The following PLPPR1 variants were observed in gnomAD, a reference collection of about 807,000 sequenced individuals.
The protein encoded by PLPPR1 is phospholipid phosphatase related 1, also known as phospholipid phosphatase-related protein type 1.
PLPPR1 carries 10 observed loss-of-function variants against 33.1 expected under a neutral mutation model. The ratio of observed to expected loss-of-function variants is 0.30; its 90% CI spans 0.19 to 0.51. The LOEUF (loss-of-function observed/expected upper bound fraction) is 0.51, where lower values mean the gene tolerates loss of function less well. Ranked by LOEUF, PLPPR1 falls within the 20% of genes least tolerant of loss-of-function variation. The pLI is 0.97. For missense variants in PLPPR1, 304 were observed against 408.1 expected (o/e 0.74, Z 2.20); for synonymous variants, 151 against 151.0 (o/e 1.00, Z 0.00).
In PLPPR1 at chr9:101,185,459, T is replaced by C. The variant is rs747826350; in HGVS notation, c.-36T>C. 9 of 1,396,930 alleles carry C rather than the reference T, an allele frequency of 6.4e-6. No individual in the cohort carries two copies. The African/African-American group carries it at 1.3e-4, about 20-fold the overall frequency. The allele number at this position is 1,396,930 out of a possible 1,614,324, so 86.5% of individuals were successfully genotyped here. A position where few individuals can be genotyped will look rare whatever the true frequency, so the allele number is the denominator to read the frequency against. Reference sequence around the variant, plus strand: ...CCTATTTCTATTTCAGCCTGGACAGTTTTTGACGGTGCAGTCTTGCTATAT... The same window carrying C: ...CCTATTTCTATTTCAGCCTGGACAGCTTTTGACGGTGCAGTCTTGCTATAT... On this transcript the variant is annotated 5_prime_UTR_variant, in exon 2 of 8. Transcript: ENST00000374874.
At chr9:101,319,268 C>T (rs1035618536) in intron 7 of PLPPR1, among the ~76,000 whole-genome samples, 4 of 152,026 alleles carry the variant, frequency 2.6e-5, no homozygotes, top group African/African-American at 9.7e-5. Context: ...CCTCCGCCTC[C>T]GGGGTTCAAG....
At chr9:101,270,893 C>T (rs537597745) in intron 3 of PLPPR1, among the ~76,000 whole-genome samples, 5 of 152,116 alleles carry the variant, frequency 3.3e-5, no homozygotes, top group Non-Finnish European at 7.4e-5. Flanking sequence ...ACTCCCTGAA[C>T]GCTCCCTCCT....
At chr9:101,283,706 T>C (rs1352979919) in intron 3 of PLPPR1, among the ~76,000 whole-genome samples, 2 of 152,016 alleles carry the variant, frequency 1.3e-5, no homozygotes, top group Non-Finnish European at 2.9e-5. Flanking sequence ...AGCAACAAAG[T>C]GAAGAGACAA....
chr9:101,166,896 A>G (rs1564163634), intron 1 of PLPPR1, among the ~76,000 whole-genome samples: 4 of 151,656 alleles, frequency 2.6e-5, no homozygotes, highest in Non-Finnish European at 5.9e-5. Flanking sequence ...TCTGCTATGA[A>G]ATCTCCTGTG....
At chr9:101,133,272 AG>A (rs1054072997) in intron 1 of PLPPR1, among the ~76,000 whole-genome samples, 30 of 152,246 alleles carry the variant, frequency 2.0e-4, no homozygotes, top group African/African-American at 6.5e-4. Context: ...CATAGTTTTC[AG>A]CTGCTGGGAA....
At chr9:101,092,820 G>A (rs899910111) in intron 1 of PLPPR1, among the ~76,000 whole-genome samples, 1 of 152,132 alleles carries the variant, frequency 6.6e-6, no homozygotes, top group African/African-American at 2.4e-5. Context: ...TCTTTGAAAG[G>A]GAATTACGGT....
intron 2 of PLPPR1, among the ~76,000 whole-genome samples, chr9:101,199,276 G>A (rs996246890): frequency 1.3e-5 from 2 of 152,148 alleles, no homozygotes; most frequent in Non-Finnish European, 2.9e-5. Flanking sequence ...TATAACTCAG[G>A]AAACTTAAAA....
At chr9:101,282,867 A>G (rs140672702) in intron 3 of PLPPR1, among the ~76,000 whole-genome samples, 11 of 152,332 alleles carry the variant, frequency 7.2e-5, no homozygotes, top group African/African-American at 2.6e-4. Context: ...AGTATAAAAT[A>G]TTGATGAAAG....
intron 1 of PLPPR1, among the ~76,000 whole-genome samples, chr9:101,088,938 T>C (rs1261752008): frequency 1.3e-5 from 2 of 152,178 alleles, no homozygotes; most frequent in East Asian, 3.8e-4. Flanking sequence ...TCATTACTGA[T>C]CCTGGAATGT....
intron 1 of PLPPR1, among the ~76,000 whole-genome samples, chr9:101,127,432 A>G (rs1831259508): frequency 6.6e-6 from 1 of 152,238 alleles, no homozygotes; most frequent in Non-Finnish European, 1.5e-5. Flanking sequence ...AGCCCATGCT[A>G]TTTATTGGTA....
chr9:101,179,291 A>G (rs1032867287), intron 1 of PLPPR1, among the ~76,000 whole-genome samples: 4 of 152,192 alleles, frequency 2.6e-5, no homozygotes, highest in African/African-American at 9.7e-5. Context: ...CCATCAGGAA[A>G]AAAAGCACAA....
At chr9:101,033,973 G>A (rs147728640) in intron 1 of PLPPR1, among the ~76,000 whole-genome samples, 1 of 152,238 alleles carries the variant, frequency 6.6e-6, no homozygotes, top group Non-Finnish European at 1.5e-5. Context: ...GAGTTTTCTG[G>A]TGACCATTAG....
At chr9:101,150,380 G>A (rs532790351) in intron 1 of PLPPR1, among the ~76,000 whole-genome samples, 58 of 152,078 alleles carry the variant, frequency 3.8e-4, no homozygotes, top group Middle Eastern at 3.4e-3. Context: ...TTATGCATAG[G>A]TCTCAAGTTG....
intron 2 of PLPPR1, among the ~76,000 whole-genome samples, chr9:101,254,439 G>A (rs931998878): frequency 6.6e-6 from 1 of 152,078 alleles, no homozygotes; most frequent in African/African-American, 2.4e-5. Flanking sequence ...TGTGAGCAAT[G>A]GGGAGCAGCT....
At chr9:101,247,776 G>A (rs1827639863) in intron 2 of PLPPR1, among the ~76,000 whole-genome samples, 1 of 151,998 alleles carries the variant, frequency 6.6e-6, no homozygotes, top group Non-Finnish European at 1.5e-5. Context: ...GTAGAGGGAT[G>A]TGTCTTTCAG....
chr9:101,127,409 C>T (rs1419608485), intron 1 of PLPPR1, among the ~76,000 whole-genome samples: 2 of 152,174 alleles, frequency 1.3e-5, no homozygotes, highest in Non-Finnish European at 2.9e-5. Flanking sequence ...CTGTGAAGGC[C>T]CTGAGCTCTG....
At chr9:101,191,886 T>C (rs925994852) in intron 2 of PLPPR1, among the ~76,000 whole-genome samples, 4 of 152,214 alleles carry the variant, frequency 2.6e-5, no homozygotes, top group Admixed American at 2.0e-4. Flanking sequence ...AAGTTGTTGT[T>C]TGATGTGTAC....
chr9:101,043,411 G>A (rs34092064), intron 1 of PLPPR1, among the ~76,000 whole-genome samples: 6 of 150,342 alleles, frequency 4.0e-5, no homozygotes, highest in South Asian at 2.1e-4. Flanking sequence ...ACATATGTAT[G>A]TGTGTATATA....
chr9:101,303,112 G>A (rs1828782779), intron 4 of PLPPR1, among the ~76,000 whole-genome samples: 1 of 151,740 alleles, frequency 6.6e-6, no homozygotes, highest in African/African-American at 2.4e-5. Context: ...TCAGCCTCCT[G>A]AGTAGCTGGG....
Sources: allele counts gnomAD v4.1 joint callset (sites outside exome capture counted in the v4.1 genomes callset), GRCh38; gene constraint gnomAD v4.1.1; transcripts MANE v1.5; gene names NCBI Gene and HGNC (gene_info 2026-07-23, HGNC 2026-07-21).